Variants in TRIO observed in about 807,000 individuals in gnomAD.
TRIO encodes trio Rho guanine nucleotide exchange factor, also known as triple functional domain protein.
Under a neutral mutation model 351.9 loss-of-function variants are expected in TRIO, and 58 were observed. The ratio of observed to expected loss-of-function variants is 0.16; its 90% CI spans 0.13 to 0.21. TRIO has a LOEUF of 0.21. TRIO is among the 10% of genes least tolerant of loss of function. The pLI is 1.00. For synonymous variants in TRIO, 1,758 were observed against 1,595.7 expected (o/e 1.10, Z -2.42); for missense variants, 3,201 against 4,027.8 (o/e 0.79, Z 5.56).
intron 9 of TRIO, among the ~76,000 whole-genome samples, chr5:14,325,542 C>T (rs756247254): frequency 2.6e-5 from 4 of 152,188 alleles, no homozygotes; most frequent in African/African-American, 9.7e-5. Flanking sequence ...TGGTATCAGG[C>T]CATTGATGAG....
At chr5:14,376,920 A>G (rs1456102468) in intron 19 of TRIO, among the ~76,000 whole-genome samples, 1 of 152,230 alleles carries the variant, frequency 6.6e-6, no homozygotes, top group Non-Finnish European at 1.5e-5. Flanking sequence ...AAGCAGTGAA[A>G]GATGGTCTCA....
At chr5:14,399,235 C>T in intron 30 of TRIO, 165 bp downstream of exon 30, 1 of 687,634 alleles carries the variant, frequency 1.5e-6, no homozygotes. Context: ...AATTATTTCC[C>T]ACCCTCAAGT....
intron 11 of TRIO, among the ~76,000 whole-genome samples, chr5:14,356,754 G>A (rs1257942493): frequency 1.3e-5 from 2 of 152,280 alleles, no homozygotes; most frequent in South Asian, 2.1e-4. Flanking sequence ...ATCAATTGTG[G>A]TTTCACACAT....
chr5:14,217,676 CT>C (rs1456463644), intron 1 of TRIO, among the ~76,000 whole-genome samples: 15 of 152,166 alleles, frequency 9.9e-5, no homozygotes, highest in Non-Finnish European at 2.2e-4. Context: ...TCCTGGGCAG[CT>C]ATGTGAATGT....
chr5:14,482,387 G>T, intron 45 of TRIO, 195 bp from the exon 46 acceptor site: 4 of 407,876 alleles, frequency 9.8e-6, no homozygotes, highest in East Asian at 3.8e-5. Flanking sequence ...TACAAATGTT[G>T]GCAAGAATTT....
intron 10 of TRIO, among the ~76,000 whole-genome samples, chr5:14,331,155 C>A (rs1430323587): frequency 6.6e-6 from 1 of 152,214 alleles, no homozygotes; most frequent in Non-Finnish European, 1.5e-5. Flanking sequence ...GTTTATTATA[C>A]CAGTGCCTTT....
At chr5:14,390,507 A>G in intron 26 of TRIO, 1 of 594,830 alleles carries the variant, frequency 1.7e-6, no homozygotes, top group Non-Finnish European at 2.9e-6. Flanking sequence ...GATGGTTTGA[A>G]ATAGAATATT....
chr5:14,436,988 G>A (rs2152401564), intron 34 of TRIO, among the ~76,000 whole-genome samples: 1 of 152,308 alleles, frequency 6.6e-6, no homozygotes. Context: ...AGCTCCACTA[G>A]GCTCCTGTAT....
At chr5:14,207,303 T>G (rs1307800074) in intron 1 of TRIO, among the ~76,000 whole-genome samples, 1 of 11,740 alleles carries the variant, frequency 8.5e-5, no homozygotes, top group African/African-American at 2.8e-4. Context: ...CCAGGTAGCA[T>G]AGCAAGACTG....
chr5:14,289,959 C>T (rs1736767368), intron 4 of TRIO, among the ~76,000 whole-genome samples: 1 of 152,204 alleles, frequency 6.6e-6, no homozygotes, highest in Admixed American at 6.5e-5. Flanking sequence ...AACTCTAGGA[C>T]TGTTCAGAAT....
intron 34 of TRIO, among the ~76,000 whole-genome samples, chr5:14,432,377 C>T (rs1457284996): frequency 1.3e-5 from 2 of 152,182 alleles, no homozygotes; most frequent in African/African-American, 2.4e-5. Flanking sequence ...AGCTGAAGCC[C>T]GTAGAGACAA....
chr5:14,252,314 C>T (rs1032160691), intron 1 of TRIO, among the ~76,000 whole-genome samples: 1 of 152,204 alleles, frequency 6.6e-6, no homozygotes, highest in Non-Finnish European at 1.5e-5. Flanking sequence ...TCACCGAGCA[C>T]CTGGCCACCA....
chr5:14,405,255 G>A (rs1284177578), intron 31 of TRIO, among the ~76,000 whole-genome samples: 2 of 152,146 alleles, frequency 1.3e-5, no homozygotes, highest in African/African-American at 2.4e-5. Context: ...TTGGAACATT[G>A]GGCACATTTC....
At chr5:14,227,833 G>C (rs1014315108) in intron 1 of TRIO, among the ~76,000 whole-genome samples, 1 of 152,174 alleles carries the variant, frequency 6.6e-6, no homozygotes, top group African/African-American at 2.4e-5. Context: ...CAATGGAAAG[G>C]TTATGGTATA....
chr5:14,276,353 C>T (rs1483345217), intron 2 of TRIO, among the ~76,000 whole-genome samples: 1 of 152,240 alleles, frequency 6.6e-6, no homozygotes, highest in African/African-American at 2.4e-5. Flanking sequence ...AGTAGAAATA[C>T]TCCATGAGCC....
chr5:14,186,054 C>T (rs1175472846), intron 1 of TRIO, among the ~76,000 whole-genome samples: 1 of 152,160 alleles, frequency 6.6e-6, no homozygotes, highest in Non-Finnish European at 1.5e-5. Context: ...AAGAGGTACA[C>T]CCAATTAGCA....
At chr5:14,368,982 C>A (rs1744840707) in intron 17 of TRIO, 83 bp downstream of exon 17, 9 of 1,470,280 alleles carry the variant, frequency 6.1e-6, no homozygotes, top group Non-Finnish European at 7.4e-6. Flanking sequence ...TCATTGTTAA[C>A]ATGTTCATCG....
In TRIO at chr5:14,330,657, TCG is replaced by T; in HGVS notation, c.1732-120_1732-119del. ...AATTACTTCTTCCCATTTTTTTTTC[TCG>T]TTTGCTTCTTGTTTCTTACAGAGTT... On this transcript the variant is annotated intron_variant, in intron 9 of 56. Transcript: ENST00000344204. The T allele has an allele frequency of 3.1e-6, 4 of 1,288,478 alleles. No individual in the cohort carries two copies. The African/African-American group carries it at 4.5e-5, about 14-fold the overall frequency. The allele number at this position is 1,288,478 out of a possible 1,614,324, so 79.8% of individuals were successfully genotyped here. A position where few individuals can be genotyped will look rare whatever the true frequency, so the allele number is the denominator to read the frequency against.
chr5:14,487,672 C>T lies in TRIO; in HGVS notation c.7044C>T (p.His2348=), dbSNP rs750317088. The change falls in exon 48 of 57, where the codon CAC becomes CAT. Residue 2348 remains histidine (H), a synonymous_variant. Coordinates refer to ENST00000344204, the MANE Select transcript of TRIO (RefSeq NM_007118.4). The part of the protein sequence containing the change: ...PSRIPQPVRH[H]PPVLVSSAAS... ...GGATCCCCCAGCCTGTCCGACACCA[C>T]CCCCCCGTGCTGGTCTCCTCTGCAG... 3 of 1,376,728 alleles carry T rather than the reference C, an allele frequency of 2.2e-6. No homozygotes were observed. The highest frequency in any genetic ancestry group is 5.0e-5 in the Admixed American group (2 of 39,966). 85.3% of individuals were successfully genotyped at this position (1,376,728 alleles called of 1,614,324 possible). A position where few individuals can be genotyped will look rare whatever the true frequency, so the allele number is the denominator to read the frequency against.
Sources: gnomAD v4.1 joint callset for allele counts (sites outside exome capture counted in the v4.1 genomes callset) on GRCh38, gnomAD v4.1.1 for gene constraint, MANE v1.5 for transcripts, NCBI Gene and HGNC (gene_info 2026-07-23, HGNC 2026-07-21) for gene names.